The following CCDC82 variants were observed in gnomAD, a reference collection of about 807,000 sequenced individuals.
CCDC82 encodes the protein coiled-coil domain-containing protein 82.
Under a neutral mutation model 60.6 loss-of-function variants are expected in CCDC82, and 47 were observed. The observed-to-expected ratio is 0.77, with a 90% CI of 0.61 to 0.99. The LOEUF (loss-of-function observed/expected upper bound fraction) is 0.99, where lower values mean the gene tolerates loss of function less well. Among genes scored for constraint, CCDC82 ranks in the 50% least tolerant of loss-of-function variants. CCDC82 has a pLI of 0.00. For synonymous variants in CCDC82, 212 were observed against 207.4 expected (o/e 1.02, Z -0.19); for missense variants, 588 against 633.0 (o/e 0.93, Z 0.76).
intron 6 of CCDC82, among the ~76,000 whole-genome samples, chr11:96,373,068 T>C (rs1474839058): frequency 2.0e-5 from 3 of 152,134 alleles, no homozygotes; most frequent in Non-Finnish European, 4.4e-5. Context: ...TCAGAGAGGC[T>C]GGGTTTGGCA....
At chr11:96,368,283 T>C (rs759602454) in intron 7 of CCDC82, among the ~76,000 whole-genome samples, 3 of 152,206 alleles carry the variant, frequency 2.0e-5, no homozygotes, top group Non-Finnish European at 4.4e-5. Flanking sequence ...AGGAATAATA[T>C]TTTGAAAAGA....
rs952985196 is a variant in CCDC82 at position 96,361,813 on chromosome 11, A to G, written c.1381-2635T>C. On this transcript the variant is annotated intron_variant, in intron 8 of 9. Transcript: ENST00000646818. ...AGAAAAATATATTTAGAACAACTGT[A>G]ATTATCTAGTTCAATTTCTGTACAT... 2.6e-5 allele frequency among the ~76,000 whole-genome samples: 4 copies of G among 152,370 alleles called. No individual in the cohort carries two copies. In the East Asian group the frequency reaches 5.8e-4, roughly 22 times the overall value.
intron 8 of CCDC82, chr11:96,363,034 A>G (rs2136092096): frequency 6.6e-6 from 1 of 150,652 alleles, no homozygotes; most frequent in South Asian, 2.1e-4. Flanking sequence ...GCGATCTCGG[A>G]TCACTGCAGG....
At chr11:96,372,930 A>G (rs892088705) in intron 6 of CCDC82, among the ~76,000 whole-genome samples, 17 of 152,118 alleles carry the variant, frequency 1.1e-4, no homozygotes, top group African/African-American at 3.6e-4. Context: ...AGATAGATTC[A>G]TAGTACAAAT....
intron 5 of CCDC82, among the ~76,000 whole-genome samples, chr11:96,379,402 T>C (rs1206615238): frequency 6.6e-6 from 1 of 151,838 alleles, no homozygotes; most frequent in Non-Finnish European, 1.5e-5. Context: ...TTTCTCTGAG[T>C]CTTGAACTGT....
intron 5 of CCDC82, among the ~76,000 whole-genome samples, chr11:96,374,815 GAT>G (rs990888053): frequency 6.6e-6 from 1 of 151,936 alleles, no homozygotes; most frequent in African/African-American, 2.4e-5. Flanking sequence ...ATCTCTGCCA[GAT>G]ATGTTATAAG....
intron 1 of CCDC82, chr11:96,388,480 T>C (rs1223094086): frequency 1.3e-5 from 2 of 152,244 alleles, no homozygotes; most frequent in Admixed American, 1.3e-4. Context: ...TCATGGTTAA[T>C]ATAAGATGCA....
intron 6 of CCDC82, among the ~76,000 whole-genome samples, chr11:96,372,365 C>T (rs1565311816): frequency 6.6e-6 from 1 of 151,660 alleles, no homozygotes; most frequent in African/African-American, 2.4e-5. Context: ...CCACTGAAAT[C>T]GTATTATATT....
chr11:96,384,659 T>C lies in CCDC82; in HGVS notation c.89A>G (p.Lys30Arg). 6.2e-7 allele frequency: 1 copy of C among 1,613,536 alleles called. No homozygotes were observed. The highest frequency in any genetic ancestry group is 8.5e-7 in the Non-Finnish European group (1 of 1,179,682). Residue 30 changes from lysine (K) to arginine (R), a missense_variant, in exon 4 of 10, where the codon AAA (lysine) becomes AGA (arginine). Physicochemically the swap from Lys to Arg is conservative, Grantham distance 26. Transcript: ENST00000646818. Reference protein sequence around the residue: ...QKSRVDWRRTKRSSISQLLDS... With the variant: ...QKSRVDWRRTRRSSISQLLDS... ...AAGTAATTGTGAGATACTACTTCTTTTAGTTCGCCTCCAATCAACTCGAGA... is the reference window on the plus strand; with the variant it reads ...AAGTAATTGTGAGATACTACTTCTTCTAGTTCGCCTCCAATCAACTCGAGA...
chr11:96,353,591 A>G lies in CCDC82; in HGVS notation c.*55T>C. 1 of 1,249,338 alleles carries G rather than the reference A, an allele frequency of 8.0e-7. No homozygotes were observed. Among genetic ancestry groups the G allele is most frequent in the East Asian group, 2.3e-5 (1 of 42,988 alleles). The allele number at this position is 1,249,338 out of a possible 1,614,324, so 77.4% of individuals were successfully genotyped here. On this transcript the variant is annotated 3_prime_UTR_variant, in exon 10 of 10. Transcript: ENST00000646818. ...ATGTCACATGATACAGAAAAACAAGAATCATGATCTTCACATTTACAGGAA... is the reference window on the plus strand; with the variant it reads ...ATGTCACATGATACAGAAAAACAAGGATCATGATCTTCACATTTACAGGAA...
Position 96,384,488 on chromosome 11 carries a change from A to G in CCDC82, c.260T>C (p.Leu87Ser). The G allele has an allele frequency of 6.2e-7, 1 of 1,613,784 alleles. No homozygotes were observed. Among genetic ancestry groups the G allele is most frequent in the Non-Finnish European group, 8.5e-7 (1 of 1,179,810 alleles). Reference protein sequence around the residue: ...KTPGSERELNLSKIQSEGNDS... With the variant: ...KTPGSERELNSSKIQSEGNDS... Reference sequence around the variant, plus strand: ...ATTTCCTTCACTTTGAATTTTACTTAAGTTGAGCTCTCTTTCACTTCCTGG... The same window carrying G: ...ATTTCCTTCACTTTGAATTTTACTTGAGTTGAGCTCTCTTTCACTTCCTGG... Residue 87 changes from leucine (L) to serine (S), a missense_variant, in exon 4 of 10, where the codon TTA becomes TCA. Transcript: ENST00000646818.
chr11:96,364,096 C>T (rs1041745086), intron 8 of CCDC82: 1 of 152,114 alleles, frequency 6.6e-6, no homozygotes, highest in Non-Finnish European at 1.5e-5. Context: ...CATGAAGGTA[C>T]AGCAATGTAT....
intron 9 of CCDC82, chr11:96,357,966 G>A: frequency 2.0e-6 from 2 of 985,448 alleles, no homozygotes; most frequent in Non-Finnish European, 2.4e-6. Context: ...CTGGGTGGTG[G>A]TTTGTGGTGG....
intron 5 of CCDC82, among the ~76,000 whole-genome samples, chr11:96,377,478 A>G (rs1329038808): frequency 2.6e-5 from 4 of 152,162 alleles, no homozygotes; most frequent in Non-Finnish European, 5.9e-5. Context: ...AAGTCAGTAG[A>G]AAATATTTTT....
At chr11:96,374,940 T>C (rs1332548319) in intron 5 of CCDC82, among the ~76,000 whole-genome samples, 3 of 151,132 alleles carry the variant, frequency 2.0e-5, no homozygotes, top group Non-Finnish European at 3.0e-5. Flanking sequence ...TCTAAATAAA[T>C]AAGTAAATAA....
intron 8 of CCDC82, among the ~76,000 whole-genome samples, chr11:96,359,819 C>G (rs1011198030): frequency 3.3e-5 from 5 of 151,112 alleles, no homozygotes; most frequent in Admixed American, 2.6e-4. Flanking sequence ...TTTTCCCCCC[C>G]CAAAAAAAAT....
At chr11:96,355,348 C>T (rs1056637570) in intron 9 of CCDC82, 4 of 152,110 alleles carry the variant, frequency 2.6e-5, no homozygotes, top group African/African-American at 9.7e-5. Context: ...CTGTGCACCA[C>T]CACACACAGC....
At chr11:96,380,301 A>G (rs535194119) in intron 5 of CCDC82, among the ~76,000 whole-genome samples, 1 of 151,862 alleles carries the variant, frequency 6.6e-6, no homozygotes, top group East Asian at 1.9e-4. Context: ...AGTTGAGGAA[A>G]AAGAGTTTGT....
chr11:96,377,026 G>A (rs146366888), intron 5 of CCDC82, among the ~76,000 whole-genome samples: 1 of 152,304 alleles, frequency 6.6e-6, no homozygotes, highest in Non-Finnish European at 1.5e-5. Context: ...CCAGGAGGAT[G>A]TGGTCTTGCT....
Sources: allele counts gnomAD v4.1 joint callset (sites outside exome capture counted in the v4.1 genomes callset), GRCh38; gene constraint gnomAD v4.1.1; transcripts MANE v1.5; gene names NCBI Gene and HGNC (gene_info 2026-07-23, HGNC 2026-07-21).